The following CSMD1 variants were observed in gnomAD, a reference collection of about 807,000 sequenced individuals.
The protein encoded by CSMD1 is CUB and Sushi multiple domains 1.
Under a neutral mutation model 417.5 loss-of-function variants are expected in CSMD1, and 213 were observed. The observed-to-expected ratio is 0.51, with a 90% confidence interval of 0.46 to 0.57. The LOEUF is 0.57. Ranked by LOEUF, CSMD1 falls within the 20% of genes least tolerant of loss-of-function variation. CSMD1 has a pLI of 0.00. For missense variants in CSMD1, 6,923 were observed against 4,529.7 expected (o/e 1.53, Z -15.17); for synonymous variants, 2,862 against 1,736.8 (o/e 1.65, Z -16.11).
At chr8:3,480,316 C>G (rs559527307) in intron 11 of CSMD1, among the ~76,000 whole-genome samples, 2 of 152,114 alleles carry the variant, frequency 1.3e-5, no homozygotes, top group South Asian at 2.1e-4. Context: ...GAGCACAGAT[C>G]GTGCCACTGC....
At chr8:4,231,263 C>A (rs766044322) in intron 3 of CSMD1, among the ~76,000 whole-genome samples, 1 of 152,192 alleles carries the variant, frequency 6.6e-6, no homozygotes, top group Non-Finnish European at 1.5e-5. Flanking sequence ...AGGAAGCCAT[C>A]TGTTACCAGA....
chr8:4,883,662 C>A (rs532005971), intron 1 of CSMD1, among the ~76,000 whole-genome samples: 2 of 151,938 alleles, frequency 1.3e-5, no homozygotes, highest in Non-Finnish European at 2.9e-5. Context: ...GTACTTTATG[C>A]TTTTTATTGC....
At chr8:3,033,946 C>T (rs536007024) in intron 50 of CSMD1, among the ~76,000 whole-genome samples, 2 of 152,246 alleles carry the variant, frequency 1.3e-5, no homozygotes, top group East Asian at 3.9e-4. Flanking sequence ...ATCACAGCAG[C>T]CTTGCTTCAG....
At chr8:4,410,404 A>C (rs1796585381) in intron 3 of CSMD1, among the ~76,000 whole-genome samples, 1 of 152,198 alleles carries the variant, frequency 6.6e-6, no homozygotes, top group African/African-American at 2.4e-5. Context: ...GTAAATATTT[A>C]AATTAATTTT....
intron 52 of CSMD1, among the ~76,000 whole-genome samples, chr8:3,010,248 C>G (rs1585142929): frequency 6.6e-6 from 1 of 152,286 alleles, no homozygotes; most frequent in African/African-American, 2.4e-5. Flanking sequence ...TTAAAACACC[C>G]AGACTCCTAC....
Position 4,757,959 on chromosome 8 carries a change from CAA to C in CSMD1, c.86-120403_86-120402del, listed in dbSNP as rs35869578. 2.8e-3 allele frequency among the ~76,000 whole-genome samples: 203 copies of C among 72,020 alleles called. 3 individuals are homozygous for C. Among genetic ancestry groups the C allele is most frequent in the Middle Eastern group, 8.2e-3 (1 of 122 alleles). 47.2% of individuals were successfully genotyped at this position (72,020 alleles called of 152,430 possible). On this transcript the variant is annotated intron_variant, in intron 1 of 69. Transcript: ENST00000635120. The stretch of plus-strand genomic sequence containing the variant: ...TGGGCAACAGAGAGAGACTTTGTCT[CAA>C]AAAAAAAAAAAAAAAAAAAGGAAAA...
intron 36 of CSMD1, among the ~76,000 whole-genome samples, chr8:3,186,009 C>G (rs1821732877): frequency 6.6e-6 from 1 of 150,978 alleles, no homozygotes; most frequent in African/African-American, 2.4e-5. Context: ...TTTATTTTTC[C>G]CAGGTAGCTT....
At position 4,146,593 on chromosome 8, in the gene CSMD1, CATT is replaced by C. The variant is rs1804144643; in HGVS notation, c.416-114497_416-114495del. 3.3e-4 allele frequency among the ~76,000 whole-genome samples: 30 copies of C among 90,760 alleles called. 4 individuals carry two copies. Among genetic ancestry groups the C allele is most frequent in the African/African-American group, 5.1e-4 (10 of 19,690 alleles). 59.5% of individuals were successfully genotyped at this position (90,760 alleles called of 152,430 possible). On this transcript the variant is annotated intron_variant, in intron 3 of 69. Transcript: ENST00000635120. ...ATCTGTCTAAATGTTTATATGGACA[CATT>C]TTTTTTTTTTTTTTTTTTTTTTTTT...
rs186510129 is a variant in CSMD1 at position 3,680,556 on chromosome 8, A to T, written c.1009+27858T>A. Among the ~76,000 whole-genome samples, 260 of 152,340 alleles carry T rather than the reference A, an allele frequency of 1.7e-3. 1 individual carries two copies. Among genetic ancestry groups the T allele is most frequent in the African/African-American group, 6.1e-3 (253 of 41,582 alleles). On this transcript the variant is annotated intron_variant, in intron 7 of 69. Transcript: ENST00000635120. ...TGAGGTAATAATTAATAGCTTACCA[A>T]CCAAAAAAAGTCCAGGACCAGATGG...
At chr8:4,486,178 TAC>T (rs1356404572) in intron 2 of CSMD1, among the ~76,000 whole-genome samples, 1 of 10,362 alleles carries the variant, frequency 9.7e-5, no homozygotes, top group East Asian at 2.7e-3. Context: ...TATATATACA[TAC>T]ATATATATAT....
Position 3,234,032 on chromosome 8 carries a change from G to C in CSMD1, c.4154-3801C>G, listed in dbSNP as rs549521131. ...CACTCTGTGAGTAGAACACCCTTTG[G>C]TGTTCCAGCTATACATGAGGGTCTC... On this transcript the variant is annotated intron_variant, in intron 26 of 69. Coordinates refer to ENST00000635120, the MANE Select transcript of CSMD1 (RefSeq NM_033225.6). Among the ~76,000 whole-genome samples the C allele has an allele frequency of 1.8e-4, 27 of 152,186 alleles. 1 individual carries two copies. In the South Asian group the frequency reaches 5.6e-3, roughly 32 times the overall value.
chr8:4,091,460 C>A (rs1389536111), intron 3 of CSMD1, among the ~76,000 whole-genome samples: 2 of 152,116 alleles, frequency 1.3e-5, no homozygotes, highest in African/African-American at 4.8e-5. Flanking sequence ...GTCAGAAAAA[C>A]AGCAAACAGA....
intron 5 of CSMD1, among the ~76,000 whole-genome samples, chr8:3,755,730 T>C (rs1211249834): frequency 6.6e-6 from 1 of 152,168 alleles, no homozygotes; most frequent in Non-Finnish European, 1.5e-5. Flanking sequence ...TTTAAAAATG[T>C]ACAGGATCCA....
At chr8:3,937,190 G>A (rs1810555591) in intron 5 of CSMD1, among the ~76,000 whole-genome samples, 1 of 152,158 alleles carries the variant, frequency 6.6e-6, no homozygotes. Context: ...AAGATGCTGT[G>A]AACATTGTTG....
intron 37 of CSMD1, among the ~76,000 whole-genome samples, chr8:3,164,608 GA>G (rs1266360884): frequency 6.6e-6 from 1 of 151,734 alleles, no homozygotes; most frequent in African/African-American, 2.4e-5. Context: ...ATTTCCCCCT[GA>G]AAAAAATGTA....
rs367686699 is a variant in CSMD1, at chr8:3,419,524, C to G, written c.1562-9919G>C. 6.1e-4 allele frequency among the ~76,000 whole-genome samples: 93 copies of G among 152,168 alleles called. No individual in the cohort carries two copies. In the South Asian group the frequency reaches 0.011, roughly 18 times the overall value. On this transcript the variant is annotated intron_variant, in intron 12 of 69. Transcript: ENST00000635120. ...AAAAACTCTATGTATTTGTGTTTGC[C>G]TGTCAGGAGGAGGATATTCAAGTAA...
chr8:3,312,066 C>CTTTG (rs1194438402), intron 23 of CSMD1, among the ~76,000 whole-genome samples: 2 of 152,016 alleles, frequency 1.3e-5, no homozygotes, highest in Admixed American at 6.6e-5. Context: ...TGCATTAAAG[C>CTTTG]TTTGTTTTGT....
At chr8:3,155,448 A>G (rs113381225) in intron 39 of CSMD1, among the ~76,000 whole-genome samples, 7,586 of 132,868 alleles carry the variant, frequency 0.057, 289 homozygotes, top group Admixed American at 0.15. Context: ...GCTCACTGCA[A>G]GCTCCGCCTC....
At chr8:4,241,987 C>G (rs897050509) in intron 3 of CSMD1, among the ~76,000 whole-genome samples, 38 of 152,260 alleles carry the variant, frequency 2.5e-4, no homozygotes, top group African/African-American at 9.1e-4. Flanking sequence ...GCCAACAGTG[C>G]TTTAAAGTAA....
Sources: gnomAD v4.1 joint callset for allele counts (sites outside exome capture counted in the v4.1 genomes callset) on GRCh38, gnomAD v4.1.1 for gene constraint, MANE v1.5 for transcripts, NCBI Gene and HGNC (gene_info 2026-07-23, HGNC 2026-07-21) for gene names.